ZNF260: variants seen among roughly 807,000 people sequenced by gnomAD.
The protein encoded by ZNF260 is zfp-260.
Under a neutral mutation model 29.3 loss-of-function variants are expected in ZNF260, and 21 were observed. The ratio of observed to expected loss-of-function variants is 0.72; its 90% confidence interval spans 0.51 to 1.03. The LOEUF is 1.03. Ranked by LOEUF, ZNF260 falls within the 50% of genes least tolerant of loss-of-function variation. The probability of loss-of-function intolerance (pLI) is 0.00; values close to 1 mark genes in which losing one functional copy is unlikely to be tolerated. For missense variants in ZNF260, 465 were observed against 487.8 expected (o/e 0.95, Z 0.44); for synonymous variants, 156 against 156.8 (o/e 0.99, Z 0.04).
chr19:36,515,246 A>G lies in ZNF260; in HGVS notation c.-8T>C. On this transcript the variant is annotated 5_prime_UTR_variant, in exon 3 of 3. Coordinates refer to ENST00000523638, the MANE Select transcript of ZNF260 (RefSeq NM_001166037.2). ...TTCCAACATGCCTATCATGCATGTG[A>G]ATTTAATCAGGAGATTTCCCTAGTA... is the stretch of plus-strand genomic sequence containing the variant. 6.5e-7 allele frequency: 1 copy of G among 1,537,474 alleles called. No homozygotes were observed. The highest frequency in any genetic ancestry group is 8.7e-7 in the Non-Finnish European group (1 of 1,143,766).
In ZNF260 at chr19:36,514,902, A is replaced by T; in HGVS notation, c.337T>A (p.Cys113Ser). ...KHHTGEKPYE[C>S]EKVSIQMPTI... ...GGCATCTGAATAGAAACTTTTTCAC[A>T]TTCATAAGGTTTCTCTCCAGTGTGA... The change falls in exon 3 of 3, where the codon TGT (cysteine) becomes AGT (serine). Residue 113 changes from cysteine (C) to serine (S), a missense_variant. Physicochemically the swap from Cys to Ser is moderately radical, Grantham distance 112. Transcript: ENST00000523638. The T allele has an allele frequency of 6.2e-7, 1 of 1,614,074 alleles. No individual in the cohort carries two copies. The highest frequency in any genetic ancestry group is 8.5e-7 in the Non-Finnish European group (1 of 1,180,006).
chr19:36,516,782 G>T (rs1393955105), intron 2 of ZNF260, among the ~76,000 whole-genome samples: 1 of 152,154 alleles, frequency 6.6e-6, no homozygotes, highest in Non-Finnish European at 1.5e-5. Flanking sequence ...GTTTCACCAC[G>T]TTGGCCAGGG....
At chr19:36,520,011 C>A (rs1396845177) in intron 2 of ZNF260, among the ~76,000 whole-genome samples, 1 of 151,486 alleles carries the variant, frequency 6.6e-6, no homozygotes, top group East Asian at 1.9e-4. Flanking sequence ...ACCAGCCTGG[C>A]CAACATGGAG....
intron 2 of ZNF260, among the ~76,000 whole-genome samples, chr19:36,520,632 C>A (rs1360933504): frequency 6.6e-6 from 1 of 152,090 alleles, no homozygotes; most frequent in African/African-American, 2.4e-5. Flanking sequence ...GCAGGCAGAT[C>A]ACAAGGTCAG....
chr19:36,518,988 A>T (rs2145747486), intron 2 of ZNF260, among the ~76,000 whole-genome samples: 1 of 151,846 alleles, frequency 6.6e-6, no homozygotes, highest in African/African-American at 2.4e-5. Context: ...AGCTATGATT[A>T]CCCTACTGAA....
Position 36,512,029 on chromosome 19 carries a change from C to G in ZNF260, c.*1971G>C, listed in dbSNP as rs1286814941. On this transcript the variant is annotated 3_prime_UTR_variant, in exon 3 of 3. Coordinates refer to ENST00000523638, the MANE Select transcript of ZNF260 (RefSeq NM_001166037.2). ...ATAAATGTTTTAGTAAAAACTAATTCTCTCCATGTCTGTGCATATATTATT... is the reference window on the plus strand; with the variant it reads ...ATAAATGTTTTAGTAAAAACTAATTGTCTCCATGTCTGTGCATATATTATT... The G allele has an allele frequency of 6.6e-6, 1 of 152,058 alleles. No homozygotes were observed. The highest frequency in any genetic ancestry group is 2.4e-5 in the African/African-American group (1 of 41,392). 9.4% of individuals were successfully genotyped at this position (152,058 alleles called of 1,614,324 possible).
chr19:36,527,390 A>T (rs1401283618), intron 1 of ZNF260, among the ~76,000 whole-genome samples: 1 of 152,176 alleles, frequency 6.6e-6, no homozygotes, highest in Non-Finnish European at 1.5e-5. Flanking sequence ...GAATATGTTG[A>T]TATGTTAAGA....
chr19:36,524,685 T>A (rs1302522507), intron 2 of ZNF260, among the ~76,000 whole-genome samples: 1 of 151,942 alleles, frequency 6.6e-6, no homozygotes, highest in East Asian at 1.9e-4. Flanking sequence ...TTTGTGTCCC[T>A]GGGTACTTAA....
chr19:36,527,214 T>C (rs77865313), intron 1 of ZNF260, among the ~76,000 whole-genome samples: 19 of 152,336 alleles, frequency 1.2e-4, no homozygotes, highest in African/African-American at 4.6e-4. Context: ...AGTACTTAGA[T>C]GATCAAGGCC....
At chr19:36,517,528 T>A (rs2034571559) in intron 2 of ZNF260, 1 of 152,268 alleles carries the variant, frequency 6.6e-6, no homozygotes, top group Admixed American at 6.5e-5. Flanking sequence ...ACACAGATAT[T>A]GACAGATATG....
chr19:36,520,656 C>G (rs934595986), intron 2 of ZNF260, among the ~76,000 whole-genome samples: 17 of 152,008 alleles, frequency 1.1e-4, no homozygotes, highest in African/African-American at 3.9e-4. Flanking sequence ...ATCGAGACCA[C>G]TCTGGCTAAC....
intron 2 of ZNF260, among the ~76,000 whole-genome samples, chr19:36,520,759 C>A (rs1254699497): frequency 2.7e-5 from 4 of 150,368 alleles, no homozygotes; most frequent in Non-Finnish European, 4.4e-5. Flanking sequence ...ACTCTGGAGG[C>A]TGAGGCAGAA....
chr19:36,520,685 T>C (rs1415655090), intron 2 of ZNF260, among the ~76,000 whole-genome samples: 5 of 151,742 alleles, frequency 3.3e-5, no homozygotes, highest in East Asian at 3.9e-4. Context: ...ACCCCGTCTG[T>C]ACTAAAAAGA....
chr19:36,526,664 AGTT>A (rs1438878436), intron 1 of ZNF260, among the ~76,000 whole-genome samples: 3 of 152,214 alleles, frequency 2.0e-5, no homozygotes, highest in South Asian at 2.1e-4. Context: ...TCTGGTAAAT[AGTT>A]GTTATACTGT....
Position 36,515,318 on chromosome 19 carries a change from T to C in ZNF260, c.-80A>G. 4 of 1,352,026 alleles carry C rather than the reference T, an allele frequency of 3.0e-6. 1 individual carries two copies. Among genetic ancestry groups the C allele is most frequent in the South Asian group, 3.4e-5 (2 of 58,800 alleles). 83.8% of individuals were successfully genotyped at this position (1,352,026 alleles called of 1,614,324 possible). On this transcript the variant is annotated 5_prime_UTR_variant, in exon 3 of 3. Transcript: ENST00000523638. ...TGAAAGCTTTCCCACATTCACTAAA[T>C]TCATATGGTGTATTTTCAATATTAA...
chr19:36,517,228 C>G (rs1427003004), intron 2 of ZNF260: 1 of 152,122 alleles, frequency 6.6e-6, no homozygotes, highest in Non-Finnish European at 1.5e-5. Flanking sequence ...GGCTTTATCT[C>G]TACAAAAATT....
Position 36,515,108 on chromosome 19 carries a change from T to C in ZNF260, c.131A>G (p.Glu44Gly). 6.2e-7 allele frequency: 1 copy of C among 1,614,132 alleles called. No homozygotes were observed. The highest frequency in any genetic ancestry group is 8.5e-7 in the Non-Finnish European group (1 of 1,180,018). ...KTFSLKQNLV[E>G]HKKMHTGEKS... ...CTCTCCAGTATGCATTTTCTTATGCTCTACAAGGTTTTGCTTCAGGCTAAA... is the reference window on the plus strand; with the variant it reads ...CTCTCCAGTATGCATTTTCTTATGCCCTACAAGGTTTTGCTTCAGGCTAAA... Residue 44 changes from glutamate to glycine, a missense_variant, in exon 3 of 3, where the codon GAG becomes GGG. Coordinates refer to ENST00000523638, the MANE Select transcript of ZNF260 (RefSeq NM_001166037.2).
In ZNF260 at chr19:36,513,829, G is replaced by C. The variant is rs914950611; in HGVS notation, c.*171C>G. 3.7e-5 allele frequency: 26 copies of C among 700,190 alleles called. No individual in the cohort carries two copies. Among genetic ancestry groups the C allele is most frequent in the Admixed American group, 1.8e-4 (6 of 33,966 alleles). 43.4% of individuals were successfully genotyped at this position (700,190 alleles called of 1,614,324 possible). On this transcript the variant is annotated 3_prime_UTR_variant, in exon 3 of 3. Coordinates refer to ENST00000523638, the MANE Select transcript of ZNF260 (RefSeq NM_001166037.2). ...TGTTGTGGGAGTTTTGGGGGTACGG[G>C]TTTTCTTTACACTATAATACTTATT... is the stretch of plus-strand genomic sequence containing the variant.
chr19:36,518,514 AG>A (rs1182495231), intron 2 of ZNF260, among the ~76,000 whole-genome samples: 1 of 152,204 alleles, frequency 6.6e-6, no homozygotes, highest in African/African-American at 2.4e-5. Flanking sequence ...TGTTGGGGAA[AG>A]AAAGTCTAGA....
Sources: gnomAD v4.1 joint callset for allele counts (sites outside exome capture counted in the v4.1 genomes callset) on GRCh38, gnomAD v4.1.1 for gene constraint, MANE v1.5 for transcripts, NCBI Gene and HGNC (gene_info 2026-07-23, HGNC 2026-07-21) for gene names.